Variants in SLC9A5 observed in about 807,000 individuals in gnomAD.
The protein encoded by SLC9A5 is sodium/hydrogen exchanger 5.
A neutral mutation model predicts 91.7 loss-of-function variants in SLC9A5; 52 were observed. That is an observed-to-expected ratio of 0.57 (90% CI 0.45 to 0.71). The LOEUF (loss-of-function observed/expected upper bound fraction) is 0.71. SLC9A5 is among the 30% of genes least tolerant of loss of function. SLC9A5 has a pLI of 0.00. For missense variants in SLC9A5, 871 were observed against 1,158.9 expected, an observed-to-expected ratio of 0.75 and a Z score of 3.61; for synonymous variants, 419 against 474.5, an observed-to-expected ratio of 0.88 and a Z score of 1.52.
In SLC9A5 at chr16:67,259,605, T is replaced by C. The variant is rs1238805590; in HGVS notation, c.1659T>C (p.Thr553=). The change falls in exon 11 of 16, where the codon ACT becomes ACC. Residue 553 remains threonine (T), a synonymous_variant. Transcript: ENST00000299798. ...ACGTCTTGTCTTCCACAGGTCTCAC[T>C]CTGCCTTCTATGCCCAGCCGCAATT... is the stretch of plus-strand genomic sequence containing the variant. ...GGHVLSSTGL[T]LPSMPSRNSV... 6.8e-6 allele frequency: 11 copies of C among 1,614,072 alleles called. No individual in the cohort carries two copies. In the Admixed American group the frequency reaches 1.2e-4, roughly 17 times the overall value.
At position 67,264,422 on chromosome 16, in the gene SLC9A5, A is replaced by C; in HGVS notation, c.1913A>C (p.Gln638Pro). 6.2e-7 allele frequency: 1 copy of C among 1,614,188 alleles called. No individual in the cohort carries two copies. The highest frequency in any genetic ancestry group is 8.5e-7 in the Non-Finnish European group (1 of 1,180,022). ...AQERQDKEVF[Q>P]QNMKRRLESF... ...GAGCGGCAGGACAAGGAGGTCTTCCAGCAGAACATGAAGCGGCGGCTGGAG... is the reference window on the plus strand; with the variant it reads ...GAGCGGCAGGACAAGGAGGTCTTCCCGCAGAACATGAAGCGGCGGCTGGAG... Residue 638 changes from glutamine to proline, a missense_variant, in exon 13 of 16, where the codon CAG becomes CCG. This residue lies in a region of SLC9A5 where 454 missense variants were observed against 718.3 expected (regional missense o/e 0.63). Transcript: ENST00000299798.
chr16:67,260,821 A>C (rs1297732788), intron 12 of SLC9A5, among the ~76,000 whole-genome samples: 2 of 152,248 alleles, frequency 1.3e-5, no homozygotes, highest in East Asian at 1.9e-4. Context: ...CAGCTCATCC[A>C]GGAGAGAGTC....
At chr16:67,261,104 C>T (rs2035516731) in intron 12 of SLC9A5, 1 of 152,226 alleles carries the variant, frequency 6.6e-6, no homozygotes, top group African/African-American at 2.4e-5. Context: ...CTTCTCTGGA[C>T]TTAAAAAAAC....
In SLC9A5 at chr16:67,255,531, C is replaced by A; in HGVS notation, c.733+60C>A. On this transcript the variant is annotated intron_variant, in intron 4 of 15. Transcript: ENST00000299798. The surrounding 1 kb of genome is among the most constrained non-coding windows in gnomAD (Gnocchi z 4.9). Reference sequence around the variant, plus strand: ...GTCTGCCTCCCCTGGGTTGCTGAGGCCCTCCCACCCCGCATCAGGACAGAA... The same window carrying A: ...GTCTGCCTCCCCTGGGTTGCTGAGGACCTCCCACCCCGCATCAGGACAGAA... 6.6e-7 allele frequency: 1 copy of A among 1,508,714 alleles called. No homozygotes were observed. The highest frequency in any genetic ancestry group is 9.2e-7 in the Non-Finnish European group (1 of 1,084,732). 93.5% of individuals were successfully genotyped at this position (1,508,714 alleles called of 1,614,324 possible). A position where few individuals can be genotyped will look rare whatever the true frequency, so the allele number is the denominator to read the frequency against.
rs574152141 is a variant in SLC9A5 at position 67,252,984 on chromosome 16, T to C, written c.490+140T>C. 2.6e-6 allele frequency: 2 copies of C among 758,004 alleles called. No individual in the cohort carries two copies. The highest frequency in any genetic ancestry group is 5.4e-5 in the East Asian group (2 of 37,020). 47.0% of individuals were successfully genotyped at this position (758,004 alleles called of 1,614,324 possible). A position where few individuals can be genotyped will look rare whatever the true frequency, so the allele number is the denominator to read the frequency against. ...CTCCCTCTGGAGTGCAAGGCAGTGC[T>C]CCCGCTGGGGTTCAGGCCTCATTGA... On this transcript the variant is annotated intron_variant, in intron 2 of 15. Coordinates refer to ENST00000299798, the MANE Select transcript of SLC9A5 (RefSeq NM_004594.3). This position sits in a 1 kb window ranked among gnomAD's most constrained non-coding sequence, Gnocchi z 4.0.
At position 67,270,173 on chromosome 16, in the gene SLC9A5, A is replaced by G. The variant is rs2035869492; in HGVS notation, c.2219-565A>G. Among the ~76,000 whole-genome samples the G allele has an allele frequency of 6.6e-6, 1 of 152,058 alleles. No homozygotes were observed. Among genetic ancestry groups the G allele is most frequent in the South Asian group, 2.1e-4 (1 of 4,818 alleles). Reference sequence around the variant, plus strand: ...TTCCTGCCTGGCTCCTGCTTTTGCTATCTTCTTATTTTTTATTTTTATTTA... The same window carrying G: ...TTCCTGCCTGGCTCCTGCTTTTGCTGTCTTCTTATTTTTTATTTTTATTTA... On this transcript the variant is annotated intron_variant, in intron 15 of 15. Transcript: ENST00000299798. This position sits in a 1 kb window ranked among gnomAD's most constrained non-coding sequence, Gnocchi z 4.3.
intron 15 of SLC9A5, among the ~76,000 whole-genome samples, chr16:67,267,632 T>G (rs1448005550): frequency 6.6e-6 from 1 of 152,090 alleles, no homozygotes; most frequent in Admixed American, 6.6e-5. Flanking sequence ...GATCCCCAGG[T>G]GAAGGTGGCA....
Position 67,252,175 on chromosome 16 carries a change from C to T in SLC9A5, c.188-367C>T, listed in dbSNP as rs979448811. 1.3e-5 allele frequency among the ~76,000 whole-genome samples: 2 copies of T among 152,100 alleles called. No homozygotes were observed. Among genetic ancestry groups the T allele is most frequent in the Non-Finnish European group, 2.9e-5 (2 of 68,022 alleles). ...TCCCAGTCTTAGAAGGTTGGCCAGGCGCGGTGGCTCACACCTGTAATCCCA... is the reference window on the plus strand; with the variant it reads ...TCCCAGTCTTAGAAGGTTGGCCAGGTGCGGTGGCTCACACCTGTAATCCCA... On this transcript the variant is annotated intron_variant, in intron 1 of 15. Coordinates refer to ENST00000299798, the MANE Select transcript of SLC9A5 (RefSeq NM_004594.3). This position sits in a 1 kb window ranked among gnomAD's most constrained non-coding sequence, Gnocchi z 4.0.
rs2035349359 is a variant in SLC9A5 at position 67,257,138 on chromosome 16, A to T, written c.1335+25A>T. 1.3e-6 allele frequency: 2 copies of T among 1,596,074 alleles called. No homozygotes were observed. Among genetic ancestry groups the T allele is most frequent in the Non-Finnish European group, 8.5e-7 (1 of 1,172,430 alleles). ...GGTGGGAGTGCCCACAAGGCTGGGT[A>T]GGGAGAGGGTTGGGCAGGCCCTGGG... On this transcript the variant is annotated intron_variant, in intron 7 of 15. Transcript: ENST00000299798. This position sits in a 1 kb window ranked among gnomAD's most constrained non-coding sequence, Gnocchi z 5.1.
In SLC9A5 at chr16:67,259,826, G is replaced by C. The variant is rs771577662; in HGVS notation, c.1722G>C (p.Glu574Asp). 2 of 1,614,150 alleles carry C rather than the reference G, an allele frequency of 1.2e-6. No homozygotes were observed. The highest frequency in any genetic ancestry group is 1.7e-6 in the Non-Finnish European group (2 of 1,180,002). The change falls in exon 12 of 16, where the codon GAG becomes GAC. Residue 574 changes from glutamate to aspartate, a missense_variant. Transcript: ENST00000299798. Reference sequence around the variant, plus strand: ...TGTCCCCTGCCTCCTGCAGGAGGGAGAGTGGCAGTGGAGCGTGTCTGGATC... The same window carrying C: ...TGTCCCCTGCCTCCTGCAGGAGGGACAGTGGCAGTGGAGCGTGTCTGGATC... ...AETSVTNLLRESGSGACLDLQ... is the reference protein window; with the variant it reads ...AETSVTNLLRDSGSGACLDLQ...
chr16:67,252,493 G>C lies in SLC9A5; in HGVS notation c.188-49G>C. The C allele has an allele frequency of 6.6e-7, 1 of 1,508,326 alleles. No homozygotes were observed. Among genetic ancestry groups the C allele is most frequent in the East Asian group, 2.3e-5 (1 of 44,072 alleles). The allele number at this position is 1,508,326 out of a possible 1,614,324, so 93.4% of individuals were successfully genotyped here. On this transcript the variant is annotated intron_variant, in intron 1 of 15. Transcript: ENST00000299798. This position sits in a 1 kb window ranked among gnomAD's most constrained non-coding sequence, Gnocchi z 4.0. ...CTGGGAGTTCATAGGCCTGTGTGTG[G>C]GAGGATATTCCATAAACTGATCCAT...
chr16:67,271,416 A>G lies in SLC9A5; in HGVS notation c.*206A>G, dbSNP rs867222905. 7.4e-5 allele frequency: 44 copies of G among 595,136 alleles called. No individual in the cohort carries two copies. The highest frequency in any genetic ancestry group is 9.0e-4 in the Middle Eastern group (2 of 2,226). The allele number at this position is 595,136 out of a possible 1,614,324, so 36.9% of individuals were successfully genotyped here. A position where few individuals can be genotyped will look rare whatever the true frequency, so the allele number is the denominator to read the frequency against. ...CACCTCCCTGCTCCTAACCCCTGCC[A>G]CTTTCTGTTTCATTAAGGCCTCTAC... On this transcript the variant is annotated 3_prime_UTR_variant, in exon 16 of 16. Coordinates refer to ENST00000299798, the MANE Select transcript of SLC9A5 (RefSeq NM_004594.3).
chr16:67,265,503 C>T (rs886661720), intron 14 of SLC9A5, among the ~76,000 whole-genome samples: 1 of 152,192 alleles, frequency 6.6e-6, no homozygotes, highest in Non-Finnish European at 1.5e-5. Flanking sequence ...ACTGCAACCT[C>T]TGCCTCCTGG....
In SLC9A5 at chr16:67,255,554, GA is replaced by G; in HGVS notation, c.733+85del. The G allele has an allele frequency of 7.0e-7, 1 of 1,437,462 alleles. No homozygotes were observed. Among genetic ancestry groups the G allele is most frequent in the Non-Finnish European group, 9.8e-7 (1 of 1,021,764 alleles). 89.0% of individuals were successfully genotyped at this position (1,437,462 alleles called of 1,614,324 possible). ...GGCCCTCCCACCCCGCATCAGGACA[GA>G]AGAGGCTATTCGGGTTGCCTCATCT... On this transcript the variant is annotated intron_variant, in intron 4 of 15. Coordinates refer to ENST00000299798, the MANE Select transcript of SLC9A5 (RefSeq NM_004594.3). The surrounding 1 kb of genome is among the most constrained non-coding windows in gnomAD (Gnocchi z 4.9).
At chr16:67,253,207 G>A (rs2035194929) in intron 2 of SLC9A5, among the ~76,000 whole-genome samples, 1 of 151,704 alleles carries the variant, frequency 6.6e-6, no homozygotes, top group African/African-American at 2.4e-5. Context: ...TGCTGTCCTG[G>A]CTCTCCCCAG....
chr16:67,259,472 G>T, intron 10 of SLC9A5, 101 bp from the exon 11 acceptor site: 2 of 815,438 alleles, frequency 2.5e-6, no homozygotes, highest in South Asian at 1.5e-5. Context: ...CATGTCAAAA[G>T]AGTAAACTAA....
Position 67,258,872 on chromosome 16 carries a change from C to A in SLC9A5, c.1626+425C>A, listed in dbSNP as rs2035415432. Among the ~76,000 whole-genome samples the A allele has an allele frequency of 6.6e-6, 1 of 150,810 alleles. No individual in the cohort carries two copies. The highest frequency in any genetic ancestry group is 2.5e-5 in the African/African-American group (1 of 40,460). ...ACCAGCCTGGCCAACATGGTGAAAC[C>A]CTGTCTCTACTAAAAATACAAAAAC... On this transcript the variant is annotated intron_variant, in intron 10 of 15. Coordinates refer to ENST00000299798, the MANE Select transcript of SLC9A5 (RefSeq NM_004594.3). This position sits in a 1 kb window ranked among gnomAD's most constrained non-coding sequence, Gnocchi z 4.5.
At position 67,252,803 on chromosome 16, in the gene SLC9A5, C is replaced by T; in HGVS notation, c.449C>T (p.Thr150Ile). 1 of 1,613,664 alleles carries T rather than the reference C, an allele frequency of 6.2e-7. No homozygotes were observed. Among genetic ancestry groups the T allele is most frequent in the Admixed American group, 1.7e-5 (1 of 60,016 alleles). The change falls in exon 2 of 16, where the codon ACA (threonine) becomes ATA (isoleucine). Residue 150 changes from threonine (T) to isoleucine (I), a missense_variant. Around this residue, in one of 3 missense-constraint regions of SLC9A5, gnomAD observed 454 missense variants for 718.3 expected, o/e 0.63. Transcript: ENST00000299798. The surrounding 1 kb of genome is among the most constrained non-coding windows in gnomAD (Gnocchi z 4.0). ...VVGTLWNAFT[T>I]GAALWGLQQA... ...GGCACACTCTGGAATGCCTTCACAACAGGCGCTGCCCTCTGGGGCTTGCAG... is the reference window on the plus strand; with the variant it reads ...GGCACACTCTGGAATGCCTTCACAATAGGCGCTGCCCTCTGGGGCTTGCAG...
At chr16:67,264,324 C>T (rs746889078) in intron 12 of SLC9A5, 28 bp from the exon 13 acceptor site, 4 of 1,609,754 alleles carry the variant, frequency 2.5e-6, no homozygotes, top group African/African-American at 1.3e-5. Flanking sequence ...CATCCATCCT[C>T]ATAGCCAGGC....
Sources: gnomAD v4.1 joint callset for allele counts (sites outside exome capture counted in the v4.1 genomes callset) on GRCh38, gnomAD v4.1.1 for gene constraint, gnomAD v4.1.1 regional missense constraint, Gnocchi (gnomAD v3.1) non-coding constraint, MANE v1.5 for transcripts, NCBI Gene and HGNC (gene_info 2026-07-23, HGNC 2026-07-21) for gene names.